The following ARHGAP24 variants were observed in gnomAD, a reference collection of about 807,000 sequenced individuals.
The protein encoded by ARHGAP24 is rho GTPase-activating protein 24.
A neutral mutation model predicts 76.4 loss-of-function variants in ARHGAP24; 50 were observed. That is an observed-to-expected ratio of 0.65 (90% CI 0.52 to 0.83). The LOEUF is 0.83. Ranked by LOEUF, ARHGAP24 falls within the 40% of genes least tolerant of loss-of-function variation. The pLI is 0.00. For missense variants in ARHGAP24, 930 were observed against 914.2 expected (o/e 1.02, Z -0.22); for synonymous variants, 345 against 323.3 (o/e 1.07, Z -0.72).
At chr4:85,805,420 C>A (rs1661521761) in intron 3 of ARHGAP24, among the ~76,000 whole-genome samples, 1 of 152,166 alleles carries the variant, frequency 6.6e-6, no homozygotes, top group Non-Finnish European at 1.5e-5. Flanking sequence ...GTTACAGAGT[C>A]ATTTCTGCTG....
chr4:85,486,439 T>C (rs1723053443), intron 1 of ARHGAP24, among the ~76,000 whole-genome samples: 1 of 152,224 alleles, frequency 6.6e-6, no homozygotes, highest in African/African-American at 2.4e-5. Context: ...ACTGGCTAAT[T>C]AAGTTAAAAG....
At chr4:85,515,666 C>A (rs945612223) in intron 1 of ARHGAP24, among the ~76,000 whole-genome samples, 3 of 151,918 alleles carry the variant, frequency 2.0e-5, no homozygotes, top group South Asian at 4.2e-4. Flanking sequence ...TGTGGTGTAT[C>A]CTAGTTTTTT....
rs375035902 is a variant in ARHGAP24 at position 85,894,422 on chromosome 4, A to C, written c.269-29226A>C. 1.5e-4 allele frequency among the ~76,000 whole-genome samples: 23 copies of C among 152,284 alleles called. No individual in the cohort carries two copies. The East Asian group carries it at 4.3e-3, about 28-fold the overall frequency. On this transcript the variant is annotated intron_variant, in intron 3 of 9. Transcript: ENST00000395184. Reference sequence around the variant, plus strand: ...AGTAGAAGTAAGGATGGATCCAAGAAAAAGGTGTATAGTCAACTCTCTCTT... The same window carrying C: ...AGTAGAAGTAAGGATGGATCCAAGACAAAGGTGTATAGTCAACTCTCTCTT...
intron 5 of ARHGAP24, 88 bp downstream of exon 5, chr4:85,942,361 A>T (rs1737002051): frequency 7.1e-7 from 1 of 1,415,222 alleles, no homozygotes; most frequent in African/African-American, 1.4e-5. Flanking sequence ...CATAACCTTG[A>T]TTGATGTGGT....
rs1297948051 is a variant in ARHGAP24 at position 85,590,161 on chromosome 4, T to TCTGC, written c.180+19471_180+19474dup. Among the ~76,000 whole-genome samples, 1,242 of 143,238 alleles carry TCTGC rather than the reference T, an allele frequency of 8.7e-3. 42 individuals are homozygous for TCTGC. Among genetic ancestry groups the TCTGC allele is most frequent in the African/African-American group, 0.03 (1,103 of 36,318 alleles). The allele number at this position is 143,238 out of a possible 152,430, so 94.0% of individuals were successfully genotyped here. A position where few individuals can be genotyped will look rare whatever the true frequency, so the allele number is the denominator to read the frequency against. ...TTGGAATGAGAAAACTAACTTTCTTTCTGCCTGCCTGCCTGCCTGCCTGCC... is the reference window on the plus strand; with the variant it reads ...TTGGAATGAGAAAACTAACTTTCTTTCTGCCTGCCTGCCTGCCTGCCTGCCTGCC... On this transcript the variant is annotated intron_variant, in intron 2 of 9. Transcript: ENST00000395184.
chr4:85,607,668 ATTTTC>A (rs201732134), intron 2 of ARHGAP24, among the ~76,000 whole-genome samples: 3,208 of 146,556 alleles, frequency 0.022, 116 homozygotes, highest in African/African-American at 0.077. Flanking sequence ...GTCAAGCATT[ATTTTC>A]TTTTCTTTTC....
chr4:85,692,030 T>A (rs1403775215), intron 2 of ARHGAP24, among the ~76,000 whole-genome samples: 2 of 152,226 alleles, frequency 1.3e-5, no homozygotes, highest in African/African-American at 4.8e-5. Context: ...CTAGTTGAAA[T>A]GAATTCCCTC....
chr4:85,609,680 C>T (rs1253523799), intron 2 of ARHGAP24, among the ~76,000 whole-genome samples: 1 of 152,018 alleles, frequency 6.6e-6, no homozygotes, highest in African/African-American at 2.4e-5. Flanking sequence ...GATTTTTTTA[C>T]AGTTTTAGAT....
At chr4:85,990,184 T>C (rs892199845) in intron 8 of ARHGAP24, 3 of 151,754 alleles carry the variant, frequency 2.0e-5, no homozygotes, top group Non-Finnish European at 4.4e-5. Flanking sequence ...AAAATTATTG[T>C]TTAGAACAAC....
intron 7 of ARHGAP24, among the ~76,000 whole-genome samples, chr4:85,976,869 G>T (rs1035704597): frequency 1.4e-5 from 2 of 146,746 alleles, no homozygotes; most frequent in African/African-American, 5.1e-5. Context: ...TGCAACCTCC[G>T]CCTCCCGAGT....
chr4:85,915,289 A>G (rs1306308577), intron 3 of ARHGAP24, among the ~76,000 whole-genome samples: 2 of 152,254 alleles, frequency 1.3e-5, no homozygotes, highest in Non-Finnish European at 2.9e-5. Flanking sequence ...AGTGAAATAT[A>G]AACTTAGCCT....
intron 2 of ARHGAP24, among the ~76,000 whole-genome samples, chr4:85,624,838 T>C (rs972150776): frequency 1.3e-5 from 2 of 152,262 alleles, no homozygotes; most frequent in East Asian, 1.9e-4. Flanking sequence ...CCATTTCTTC[T>C]AGATTTTCTA....
intron 8 of ARHGAP24, among the ~76,000 whole-genome samples, chr4:85,980,091 T>C (rs539632606): frequency 6.6e-6 from 1 of 152,274 alleles, no homozygotes; most frequent in South Asian, 2.1e-4. Context: ...ATCAGTCAAT[T>C]TCCAAAAACT....
chr4:85,879,357 A>C (rs918876011), intron 3 of ARHGAP24, among the ~76,000 whole-genome samples: 1 of 152,184 alleles, frequency 6.6e-6, no homozygotes, highest in Non-Finnish European at 1.5e-5. Flanking sequence ...TACTCTGATC[A>C]CCATCTCGCT....
chr4:85,893,683 T>C (rs1245383880), intron 3 of ARHGAP24, among the ~76,000 whole-genome samples: 1 of 138,484 alleles, frequency 7.2e-6, no homozygotes, highest in African/African-American at 2.7e-5. Flanking sequence ...ATGTTGAATA[T>C]TGGCCCCCAC....
intron 3 of ARHGAP24, among the ~76,000 whole-genome samples, chr4:85,878,836 A>G (rs1733082668): frequency 6.6e-6 from 1 of 152,210 alleles, no homozygotes; most frequent in African/African-American, 2.4e-5. Context: ...CATTTATCTT[A>G]CATTATGATC....
At chr4:85,543,253 G>A (rs1286859073) in intron 1 of ARHGAP24, among the ~76,000 whole-genome samples, 2 of 152,164 alleles carry the variant, frequency 1.3e-5, no homozygotes, top group Admixed American at 6.5e-5. Flanking sequence ...GCTATTGAAA[G>A]TTTTGGATTA....
At chr4:85,732,186 G>A (rs1470738869) in intron 3 of ARHGAP24, among the ~76,000 whole-genome samples, 1 of 152,172 alleles carries the variant, frequency 6.6e-6, no homozygotes, top group Non-Finnish European at 1.5e-5. Flanking sequence ...GTTTGTCCAG[G>A]CAGGTCTTTG....
chr4:85,630,052 CT>C (rs1301846114), intron 2 of ARHGAP24, among the ~76,000 whole-genome samples: 1 of 151,622 alleles, frequency 6.6e-6, no homozygotes, highest in Admixed American at 6.6e-5. Flanking sequence ...TTCTTTCTTT[CT>C]TTTTCCTCTA....
Sources: gnomAD v4.1 joint callset for allele counts (sites outside exome capture counted in the v4.1 genomes callset) on GRCh38, gnomAD v4.1.1 for gene constraint, MANE v1.5 for transcripts, NCBI Gene and HGNC (gene_info 2026-07-23, HGNC 2026-07-21) for gene names.